The following RBFOX1 variants were observed in gnomAD, a reference collection of about 807,000 sequenced individuals.
RBFOX1 encodes RNA binding protein fox-1 homolog 1.
A neutral mutation model predicts 57.7 loss-of-function variants in RBFOX1; 8 were observed. The observed-to-expected ratio is 0.14, with a 90% CI of 0.08 to 0.25. The LOEUF (loss-of-function observed/expected upper bound fraction) is 0.25. RBFOX1 is among the 10% of genes least tolerant of loss of function. The pLI is 1.00. For missense variants in RBFOX1, 611 were observed against 548.5 expected (o/e 1.11, Z -1.14); for synonymous variants, 326 against 222.4 (o/e 1.47, Z -4.15).
At chr16:7,422,610 C>T (rs2098553220) in intron 4 of RBFOX1, among the ~76,000 whole-genome samples, 5 of 152,212 alleles carry the variant, frequency 3.3e-5, no homozygotes, top group South Asian at 2.1e-4. Flanking sequence ...CCACTCAGCA[C>T]GATTTTTCAT....
rs141129588 is a variant in RBFOX1 at position 6,523,178 on chromosome 16, C to T, written c.-63-131425C>T. Among the ~76,000 whole-genome samples, 217 of 152,228 alleles carry T rather than the reference C, an allele frequency of 1.4e-3. 2 individuals carry two copies. The highest frequency in any genetic ancestry group is 4.3e-3 in the African/African-American group (178 of 41,522). The stretch of plus-strand genomic sequence containing the variant: ...GGGGTGACTGTCTTTGTCCTGCTTA[C>T]TCATCTCTCTCTTCTCAGCATGCAG... On this transcript the variant is annotated intron_variant, in intron 2 of 15. Coordinates refer to ENST00000550418, the MANE Select transcript of RBFOX1 (RefSeq NM_018723.4).
At chr16:6,620,456 CAA>C (rs1415757054) in intron 2 of RBFOX1, among the ~76,000 whole-genome samples, 1 of 152,074 alleles carries the variant, frequency 6.6e-6, no homozygotes. Flanking sequence ...CAAGAGCAAA[CAA>C]ATCCCAAAGC....
chr16:7,023,273 C>G (rs1278232270), intron 3 of RBFOX1, among the ~76,000 whole-genome samples: 1 of 151,608 alleles, frequency 6.6e-6, no homozygotes, highest in Non-Finnish European at 1.5e-5. Context: ...GGTCAGGAGT[C>G]CAAGACCAGA....
intron 3 of RBFOX1, among the ~76,000 whole-genome samples, chr16:6,943,595 C>G (rs2078942081): frequency 6.6e-6 from 1 of 151,760 alleles, no homozygotes; most frequent in Non-Finnish European, 1.5e-5. Flanking sequence ...GTAGTCCCAG[C>G]TACTTGGGAG....
chr16:6,899,650 C>T (rs547064528), intron 3 of RBFOX1, among the ~76,000 whole-genome samples: 1 of 152,220 alleles, frequency 6.6e-6, no homozygotes, highest in Admixed American at 6.5e-5. Flanking sequence ...GAATAAACGT[C>T]CATACCTCCT....
At chr16:5,358,507 C>T (rs2065455788) in intron 1 of RBFOX1, among the ~76,000 whole-genome samples, 1 of 152,120 alleles carries the variant, frequency 6.6e-6, no homozygotes, top group Non-Finnish European at 1.5e-5. Context: ...GTAATAATCA[C>T]ATCATGTAAA....
chr16:5,846,727 G>A (rs2056766685), intron 3 of RBFOX1, among the ~76,000 whole-genome samples: 1 of 152,180 alleles, frequency 6.6e-6, no homozygotes, highest in African/African-American at 2.4e-5. Context: ...TGCTCAGGTA[G>A]CCAAGAATGC....
intron 4 of RBFOX1, among the ~76,000 whole-genome samples, chr16:7,266,407 C>T (rs563492047): frequency 5.3e-5 from 8 of 152,346 alleles, no homozygotes; most frequent in African/African-American, 1.9e-4. Flanking sequence ...TGAGGCTTCG[C>T]TGGAAGCCCA....
intron 2 of RBFOX1, among the ~76,000 whole-genome samples, chr16:5,550,910 A>G (rs75606721): frequency 0.05 from 7,588 of 152,272 alleles, 208 homozygotes; most frequent in East Asian, 0.1. Context: ...AAAATGGTAT[A>G]TCCACATACA....
At chr16:6,595,227 C>A (rs758844336) in intron 2 of RBFOX1, among the ~76,000 whole-genome samples, 1 of 152,132 alleles carries the variant, frequency 6.6e-6, no homozygotes, top group South Asian at 2.1e-4. Flanking sequence ...CTTACCCCAC[C>A]CTGTAGCCCT....
At chr16:7,246,633 C>CTTTTTTTTTTTTTTTTTTT (rs56654382) in intron 4 of RBFOX1, among the ~76,000 whole-genome samples, 10 of 105,500 alleles carry the variant, frequency 9.5e-5, no homozygotes, top group African/African-American at 3.9e-4. Context: ...TGGTCACCTC[C>CTTTTTTTTTTTTTTTTTTT]TTTTTTTTTT....
intron 3 of RBFOX1, among the ~76,000 whole-genome samples, chr16:6,716,135 A>G (rs2064772278): frequency 6.6e-6 from 1 of 152,254 alleles, no homozygotes; most frequent in Non-Finnish European, 1.5e-5. Context: ...ACAGAAAAAT[A>G]GAGGGAACTT....
chr16:7,425,897 A>T (rs545436968), intron 4 of RBFOX1, among the ~76,000 whole-genome samples: 1 of 152,184 alleles, frequency 6.6e-6, no homozygotes, highest in South Asian at 2.1e-4. Context: ...GAAATGTATC[A>T]TTTTTTCCCC....
intron 1 of RBFOX1, among the ~76,000 whole-genome samples, chr16:6,106,805 C>A (rs1288753633): frequency 6.6e-6 from 1 of 152,072 alleles, no homozygotes; most frequent in African/African-American, 2.4e-5. Context: ...GTAGCTGGGA[C>A]CACAGATGCC....
At chr16:5,924,133 T>C (rs1451356401) in intron 4 of RBFOX1, among the ~76,000 whole-genome samples, 2 of 152,140 alleles carry the variant, frequency 1.3e-5, no homozygotes. Context: ...TGCTACCCCA[T>C]GAAGAAGGTG....
At chr16:7,457,584 C>T (rs188045143) in intron 4 of RBFOX1, among the ~76,000 whole-genome samples, 16 of 152,282 alleles carry the variant, frequency 1.1e-4, no homozygotes, top group African/African-American at 3.8e-4. Context: ...TCTGTTCCTT[C>T]TTCTTCAAGC....
intron 1 of RBFOX1, among the ~76,000 whole-genome samples, chr16:6,256,780 C>G (rs1388431152): frequency 6.6e-6 from 1 of 152,066 alleles, no homozygotes; most frequent in African/African-American, 2.4e-5. Flanking sequence ...CAGACATTGA[C>G]TAATGTTCCC....
intron 2 of RBFOX1, among the ~76,000 whole-genome samples, chr16:5,523,227 A>G (rs1597389919): frequency 6.6e-6 from 1 of 151,620 alleles, no homozygotes; most frequent in African/African-American, 2.4e-5. Context: ...CAGAGATTAC[A>G]GTGAGCCGAG....
chr16:6,518,481 C>G (rs1430905865), intron 2 of RBFOX1, among the ~76,000 whole-genome samples: 1 of 152,092 alleles, frequency 6.6e-6, no homozygotes, highest in African/African-American at 2.4e-5. Flanking sequence ...GATGGGCACA[C>G]TGAGAGTCAG....
Sources: allele counts gnomAD v4.1 joint callset (sites outside exome capture counted in the v4.1 genomes callset), GRCh38; gene constraint gnomAD v4.1.1; transcripts MANE v1.5; gene names NCBI Gene and HGNC (gene_info 2026-07-23, HGNC 2026-07-21).